The following DISC1 variants were observed in gnomAD, a reference collection of about 807,000 sequenced individuals.
The protein encoded by DISC1 is disrupted in schizophrenia 1 protein.
A neutral mutation model predicts 84.5 loss-of-function variants in DISC1; 57 were observed. The ratio of observed to expected loss-of-function variants is 0.67; its 90% CI spans 0.55 to 0.84. The LOEUF (loss-of-function observed/expected upper bound fraction) is 0.84, where lower values mean the gene tolerates loss of function less well. DISC1 is among the 40% of genes least tolerant of loss of function. The probability of loss-of-function intolerance (pLI) is 0.00; values close to 1 mark genes in which losing one functional copy is unlikely to be tolerated. For synonymous variants in DISC1, 411 were observed against 415.2 expected (o/e 0.99, Z 0.12); for missense variants, 1,000 against 1,057.8 (o/e 0.95, Z 0.76).
intron 4 of DISC1, among the ~76,000 whole-genome samples, chr1:231,757,056 G>A (rs1046360322): frequency 2.6e-5 from 4 of 152,090 alleles, no homozygotes; most frequent in African/African-American, 7.2e-5. Context: ...GAGTCAAGGG[G>A]TATATATAAT....
intron 8 of DISC1, chr1:231,813,229 G>A (rs559588755): frequency 8.3e-4 from 127 of 152,304 alleles, no homozygotes; most frequent in African/African-American, 3.0e-3. Flanking sequence ...ACTGTTTGCA[G>A]GAGGACATGG....
intron 1 of DISC1, among the ~76,000 whole-genome samples, chr1:231,648,309 A>G (rs1298984400): frequency 1.3e-5 from 2 of 152,150 alleles, no homozygotes; most frequent in African/African-American, 4.8e-5. Flanking sequence ...GCATCTGTTG[A>G]GATAATCATG....
rs577910605 is a variant in DISC1, at chr1:231,923,343, C to T, written c.1982-35485C>T. On this transcript the variant is annotated intron_variant, in intron 9 of 12. Transcript: ENST00000439617. ...ACAAAAAGAAAAAGAAATCCGTTTT[C>T]GCTGAGCCCTCCTGGCAGGTAGTAA... Among the ~76,000 whole-genome samples the T allele has an allele frequency of 2.3e-4, 35 of 151,434 alleles. No individual in the cohort carries two copies. In the South Asian group the frequency reaches 7.1e-3, roughly 31 times the overall value.
intron 3 of DISC1, among the ~76,000 whole-genome samples, chr1:231,713,094 A>C (rs1448523762): frequency 6.6e-6 from 1 of 152,190 alleles, no homozygotes. Context: ...ATCTGCAAAG[A>C]CTGGGAAAGG....
intron 2 of DISC1, 27 bp downstream of exon 2, chr1:231,694,832 C>G: frequency 1.2e-6 from 2 of 1,609,724 alleles, no homozygotes. Flanking sequence ...CCTCTGTGGC[C>G]CGAGATTGTC....
chr1:231,896,845 G>A (rs2087731514), intron 9 of DISC1, among the ~76,000 whole-genome samples: 2 of 152,180 alleles, frequency 1.3e-5, no homozygotes, highest in African/African-American at 4.8e-5. Context: ...GCCACTGCTG[G>A]GAAGTGAAGT....
At chr1:231,932,658 A>G (rs1350413686) in intron 9 of DISC1, among the ~76,000 whole-genome samples, 1 of 152,076 alleles carries the variant, frequency 6.6e-6, no homozygotes, top group Non-Finnish European at 1.5e-5. Flanking sequence ...TGTACATGGC[A>G]TTTCTGGGGT....
chr1:231,711,863 A>G (rs1172231487), intron 3 of DISC1, among the ~76,000 whole-genome samples: 1 of 152,180 alleles, frequency 6.6e-6, no homozygotes, highest in African/African-American at 2.4e-5. Context: ...AGGCTGAATG[A>G]TACCCATCCC....
chr1:231,713,732 TATAC>T (rs1558401059), intron 3 of DISC1, among the ~76,000 whole-genome samples: 1 of 143,374 alleles, frequency 7.0e-6, no homozygotes, highest in Non-Finnish European at 1.5e-5. Context: ...ATAGGAGATA[TATAC>T]ATATATATAG....
chr1:231,868,692 T>TTTTATATATATATATA (rs2085227096), intron 9 of DISC1, among the ~76,000 whole-genome samples: 2 of 108,842 alleles, frequency 1.8e-5, no homozygotes, highest in Admixed American at 1.0e-4. Flanking sequence ...ACCCCATCTC[T>TTTTATATATATATATA]TATATATATA....
intron 3 of DISC1, among the ~76,000 whole-genome samples, chr1:231,709,445 A>G (rs532636727): frequency 2.0e-5 from 3 of 152,170 alleles, no homozygotes; most frequent in Admixed American, 2.0e-4. Flanking sequence ...GAACCCCTGC[A>G]GCTCTGGAGG....
intron 3 of DISC1, 61 bp from the exon 4 acceptor site, chr1:231,749,865 G>T (rs375470980): frequency 5.6e-6 from 9 of 1,606,468 alleles, no homozygotes; most frequent in South Asian, 5.5e-5. Flanking sequence ...GAGACACCGG[G>T]GTTATCTATT....
rs540519762 is a variant in DISC1 at position 231,947,941 on chromosome 1, TAAA to T, written c.1982-10884_1982-10882del. On this transcript the variant is annotated intron_variant, in intron 9 of 12. Transcript: ENST00000439617. ...TCATGCCAGTTAGAATTGCGATCATTAAAAAGTCAGGAAACAACAGATGCTGGA... is the reference window on the plus strand; with the variant it reads ...TCATGCCAGTTAGAATTGCGATCATTAAGTCAGGAAACAACAGATGCTGGA... Among the ~76,000 whole-genome samples, 546 of 152,276 alleles carry T rather than the reference TAAA, an allele frequency of 3.6e-3. 7 individuals are homozygous for T. The highest frequency in any genetic ancestry group is 0.013 in the African/African-American group (530 of 41,552).
intron 9 of DISC1, among the ~76,000 whole-genome samples, chr1:231,949,059 G>A (rs576907219): frequency 2.6e-5 from 4 of 151,864 alleles, no homozygotes; most frequent in South Asian, 2.1e-4. Flanking sequence ...TAGTAGAGAC[G>A]GGGTTTCACC....
At chr1:231,664,039 T>TATCCATCC (rs57234946) in intron 1 of DISC1, among the ~76,000 whole-genome samples, 8,450 of 146,366 alleles carry the variant, frequency 0.058, 270 homozygotes, top group African/African-American at 0.082. Context: ...TCCATCTATC[T>TATCCATCC]ATCCATCCAT....
In DISC1 at chr1:232,017,986, C is replaced by T. The variant is rs190300185; in HGVS notation, c.2308-8449C>T. On this transcript the variant is annotated intron_variant, in intron 11 of 12. Transcript: ENST00000439617. ...CAGTGACTCAACCCAAGGTGTAACCCGTCTGCTCAAATTTGTGGCAAATCT... is the reference window on the plus strand; with the variant it reads ...CAGTGACTCAACCCAAGGTGTAACCTGTCTGCTCAAATTTGTGGCAAATCT... 3.2e-3 allele frequency among the ~76,000 whole-genome samples: 491 copies of T among 152,230 alleles called. 1 individual carries two copies. Among genetic ancestry groups the T allele is most frequent in the African/African-American group, 8.3e-3 (343 of 41,536 alleles).
chr1:231,741,343 G>C (rs1339670155), intron 3 of DISC1, among the ~76,000 whole-genome samples: 1 of 152,182 alleles, frequency 6.6e-6, no homozygotes, highest in Non-Finnish European at 1.5e-5. Flanking sequence ...TTTAAGACTT[G>C]ATGAGATTTA....
intron 10 of DISC1, among the ~76,000 whole-genome samples, chr1:231,981,515 C>T (rs1007514395): frequency 2.0e-5 from 3 of 152,130 alleles, no homozygotes; most frequent in Non-Finnish European, 2.9e-5. Context: ...TATCATTTTC[C>T]CCTGCTTGTT....
At chr1:231,770,280 T>A (rs1236626094) in intron 5 of DISC1, among the ~76,000 whole-genome samples, 1 of 75,386 alleles carries the variant, frequency 1.3e-5, no homozygotes, top group Non-Finnish European at 3.5e-5. Flanking sequence ...GCTATATTCG[T>A]AGAAATTAAC....
Sources: allele counts gnomAD v4.1 joint callset (sites outside exome capture counted in the v4.1 genomes callset), GRCh38; gene constraint gnomAD v4.1.1; transcripts MANE v1.5; gene names NCBI Gene and HGNC (gene_info 2026-07-23, HGNC 2026-07-21).